Variants in KDM7A observed in about 807,000 individuals in gnomAD.
KDM7A encodes lysine-specific demethylase 7A.
Under a neutral mutation model 114.8 loss-of-function variants are expected in KDM7A, and 28 were observed. The ratio of observed to expected loss-of-function variants is 0.24; its 90% confidence interval spans 0.18 to 0.33. KDM7A has a LOEUF of 0.33. KDM7A is among the 10% of genes least tolerant of loss of function. KDM7A has a pLI of 1.00. For synonymous variants in KDM7A, 423 were observed against 397.8 expected (o/e 1.06, Z -0.75); for missense variants, 942 against 1,142.5 (o/e 0.82, Z 2.53).
In KDM7A at chr7:140,176,062, C is replaced by T. The variant is rs896866577; in HGVS notation, c.194+682G>A. On this transcript the variant is annotated intron_variant, in intron 1 of 19. Coordinates refer to ENST00000397560, the MANE Select transcript of KDM7A (RefSeq NM_030647.2). This position sits in a 1 kb window ranked among gnomAD's most constrained non-coding sequence, Gnocchi z 4.4. ...CGCCGGGGGCCCGGCCCCAACTTCC[C>T]CGGCACCTTTCAAGTCCCCGAGAGC... 6.6e-6 allele frequency among the ~76,000 whole-genome samples: 1 copy of T among 151,978 alleles called. No homozygotes were observed. Among genetic ancestry groups the T allele is most frequent in the Non-Finnish European group, 1.5e-5 (1 of 67,950 alleles).
chr7:140,139,668 AAAG>A (rs1794236930), intron 1 of KDM7A, among the ~76,000 whole-genome samples: 1 of 152,220 alleles, frequency 6.6e-6, no homozygotes, highest in Non-Finnish European at 1.5e-5. Flanking sequence ...GAAGTTACAA[AAAG>A]AATAGACAAA....
At chr7:140,129,206 T>C (rs940596978) in intron 4 of KDM7A, among the ~76,000 whole-genome samples, 1 of 152,136 alleles carries the variant, frequency 6.6e-6, no homozygotes, top group Non-Finnish European at 1.5e-5. Context: ...TCTATATCTA[T>C]CCCTCAGTAA....
At chr7:140,162,087 G>C (rs963694223) in intron 1 of KDM7A, among the ~76,000 whole-genome samples, 4 of 152,038 alleles carry the variant, frequency 2.6e-5, no homozygotes, top group South Asian at 2.1e-4. Context: ...TGTAATCCCG[G>C]CACTTTGGGA....
At position 140,149,939 on chromosome 7, in the gene KDM7A, C is replaced by T. The variant is rs562241176; in HGVS notation, c.195-10749G>A. The stretch of plus-strand genomic sequence containing the variant: ...ATAACAGTATGTATGTGAAGTTCTA[C>T]AACACATGTGAATATTTATATGCCT... On this transcript the variant is annotated intron_variant, in intron 1 of 19. Coordinates refer to ENST00000397560, the MANE Select transcript of KDM7A (RefSeq NM_030647.2). Among the ~76,000 whole-genome samples the T allele has an allele frequency of 3.9e-4, 60 of 152,278 alleles. 1 individual carries two copies. The South Asian group carries it at 0.012, about 30-fold the overall frequency.
intron 1 of KDM7A, among the ~76,000 whole-genome samples, chr7:140,171,617 A>G (rs1158198525): frequency 7.0e-6 from 1 of 143,874 alleles, no homozygotes; most frequent in Non-Finnish European, 1.5e-5. Flanking sequence ...TTATATTTTT[A>G]CATATTTATA....
chr7:140,133,952 C>T (rs1818830841), intron 2 of KDM7A, among the ~76,000 whole-genome samples: 1 of 152,172 alleles, frequency 6.6e-6, no homozygotes. Context: ...AGATACTATA[C>T]AATTTCCAAA....
At position 140,097,602 on chromosome 7, in the gene KDM7A, T is replaced by C. The variant is rs1449122529; in HGVS notation, c.1959A>G (p.Ser653=). The change falls in exon 15 of 20, where the codon TCA becomes TCG. Residue 653 remains serine (S), a synonymous_variant. Transcript: ENST00000397560. The stretch of plus-strand genomic sequence containing the variant: ...ACTCAGAAATATCAGAATATCCTGA[T>C]GATCTACTCCTGAGTTCTGATTTCA... ...TRVKSELRSR[S]SGYSDISESE... is the part of the protein sequence containing the mutation. 4 of 1,607,908 alleles carry C rather than the reference T, an allele frequency of 2.5e-6. No homozygotes were observed. Among genetic ancestry groups the C allele is most frequent in the Non-Finnish European group, 2.6e-6 (3 of 1,174,594 alleles).
intron 5 of KDM7A, among the ~76,000 whole-genome samples, chr7:140,127,045 C>G (rs1367280271): frequency 6.6e-6 from 1 of 152,200 alleles, no homozygotes; most frequent in East Asian, 1.9e-4. Flanking sequence ...CTGCAAACTC[C>G]ATCCTGCCGG....
chr7:140,111,495 A>G (rs777802092), intron 10 of KDM7A, among the ~76,000 whole-genome samples: 63 of 152,244 alleles, frequency 4.1e-4, no homozygotes, highest in Non-Finnish European at 8.5e-4. Flanking sequence ...ACTAATTCGT[A>G]AAGTGACAAA....
intron 11 of KDM7A, among the ~76,000 whole-genome samples, chr7:140,110,407 T>C (rs1201959781): frequency 6.6e-6 from 1 of 152,216 alleles, no homozygotes; most frequent in African/African-American, 2.4e-5. Flanking sequence ...TCCATTGATA[T>C]TAAAGCAAGC....
At chr7:140,138,939 A>T (rs1025501317) in intron 2 of KDM7A, among the ~76,000 whole-genome samples, 166 bp downstream of exon 2, 9 of 152,218 alleles carry the variant, frequency 5.9e-5, no homozygotes, top group African/African-American at 2.2e-4. Context: ...TGACTTAATG[A>T]AACAAAAACT....
chr7:140,110,039 C>T (rs908324180), intron 11 of KDM7A, among the ~76,000 whole-genome samples: 1 of 152,110 alleles, frequency 6.6e-6, no homozygotes, highest in Non-Finnish European at 1.5e-5. Flanking sequence ...TTCTTCTGAT[C>T]CATCCTGAAC....
chr7:140,176,851 G>A lies in KDM7A; in HGVS notation c.87C>T (p.Ala29=). 1 of 1,299,938 alleles carries A rather than the reference G, an allele frequency of 7.7e-7. No homozygotes were observed. Among genetic ancestry groups the A allele is most frequent in the East Asian group, 3.5e-5 (1 of 28,176 alleles). 80.5% of individuals were successfully genotyped at this position (1,299,938 alleles called of 1,614,324 possible). A position where few individuals can be genotyped will look rare whatever the true frequency, so the allele number is the denominator to read the frequency against. Residue 29 remains alanine, a synonymous_variant, in exon 1 of 20, where the codon GCC becomes GCT. Transcript: ENST00000397560. The surrounding 1 kb of genome is among the most constrained non-coding windows in gnomAD (Gnocchi z 4.4). ...AAVSVAAPGR[A]SAPPPPPPVY... Reference sequence around the variant, plus strand: ...CGGGCGGGGGCGGCGGAGGCGCCGAGGCCCGGCCGGGAGCCGCCACCGACA... The same window carrying A: ...CGGGCGGGGGCGGCGGAGGCGCCGAAGCCCGGCCGGGAGCCGCCACCGACA...
intron 1 of KDM7A, among the ~76,000 whole-genome samples, chr7:140,168,348 C>G (rs1310897299): frequency 6.6e-6 from 1 of 152,040 alleles, no homozygotes; most frequent in Non-Finnish European, 1.5e-5. Context: ...GGCAGATCAC[C>G]TGAGGTCAGG....
At chr7:140,094,818 T>C (rs1169445639) in intron 17 of KDM7A, 2 of 152,104 alleles carry the variant, frequency 1.3e-5, no homozygotes, top group Non-Finnish European at 2.9e-5. Context: ...ATATGATGGG[T>C]TTTGGGCTAG....
intron 11 of KDM7A, among the ~76,000 whole-genome samples, chr7:140,105,445 A>G (rs1242084656): frequency 6.6e-6 from 1 of 152,168 alleles, no homozygotes; most frequent in Non-Finnish European, 1.5e-5. Flanking sequence ...AGCTCTTATT[A>G]TTTTGAGATG....
chr7:140,088,013 A>T lies in KDM7A; in HGVS notation c.*3081T>A, dbSNP rs1356501815. On this transcript the variant is annotated 3_prime_UTR_variant, in exon 20 of 20. Coordinates refer to ENST00000397560, the MANE Select transcript of KDM7A (RefSeq NM_030647.2). ...CTGGGCACACAGTAGATGTTTGATA[A>T]ATACCTGTTGATCCCATATAAATAA... is the stretch of plus-strand genomic sequence containing the variant. 1 of 152,176 alleles carries T rather than the reference A, an allele frequency of 6.6e-6. No individual in the cohort carries two copies. 9.4% of individuals were successfully genotyped at this position (152,176 alleles called of 1,614,324 possible). A position where few individuals can be genotyped will look rare whatever the true frequency, so the allele number is the denominator to read the frequency against.
chr7:140,123,232 G>C (rs1413302875), intron 7 of KDM7A, among the ~76,000 whole-genome samples: 7 of 152,184 alleles, frequency 4.6e-5, no homozygotes, highest in Admixed American at 3.9e-4. Context: ...TACACTGCTG[G>C]TGGTAACGTA....
chr7:140,141,390 ATCAAGACTTATT>A (rs1384117050), intron 1 of KDM7A, among the ~76,000 whole-genome samples: 2 of 152,090 alleles, frequency 1.3e-5, no homozygotes, highest in African/African-American at 4.8e-5. Context: ...TCTACCAAGT[ATCAAGACTTATT>A]TTAAAGCTCT....
Sources: allele counts gnomAD v4.1 joint callset (sites outside exome capture counted in the v4.1 genomes callset), GRCh38; gene constraint gnomAD v4.1.1; non-coding constraint Gnocchi (gnomAD v3.1); transcripts MANE v1.5; gene names NCBI Gene and HGNC (gene_info 2026-07-23, HGNC 2026-07-21).